NCAM2: variants seen among roughly 807,000 people sequenced by gnomAD.
The protein encoded by NCAM2 is N-CAM-2.
NCAM2 carries 30 observed loss-of-function variants against 98.1 expected under a neutral mutation model. The observed-to-expected ratio is 0.31, with a 90% CI of 0.23 to 0.41. NCAM2 has a LOEUF of 0.41. NCAM2 is among the 10% of genes least tolerant of loss of function. The pLI, the probability that NCAM2 is intolerant of heterozygous loss-of-function variation, is 1.00. For missense variants in NCAM2, 867 were observed against 1,005.8 expected (o/e 0.86, Z 1.87); for synonymous variants, 368 against 342.4 (o/e 1.07, Z -0.83).
intron 1 of NCAM2, among the ~76,000 whole-genome samples, chr21:21,109,369 T>C (rs142062286): frequency 1.9e-4 from 29 of 152,206 alleles, no homozygotes; most frequent in Middle Eastern, 6.8e-3. Context: ...TGAATTAGCT[T>C]TCACAGGATA....
At chr21:21,448,024 C>A (rs9983534) in intron 12 of NCAM2, among the ~76,000 whole-genome samples, 30,770 of 151,896 alleles carry the variant, frequency 0.2, 3,265 homozygotes, top group African/African-American at 0.26. Flanking sequence ...TATAACTGGA[C>A]CCAGCAATCC....
intron 1 of NCAM2, among the ~76,000 whole-genome samples, chr21:21,206,993 A>T (rs1383196489): frequency 6.6e-6 from 1 of 152,160 alleles, no homozygotes; most frequent in Non-Finnish European, 1.5e-5. Context: ...GGTATTTATC[A>T]GTATCTCAAC....
chr21:21,087,554 T>TG (rs2065928938), intron 1 of NCAM2, among the ~76,000 whole-genome samples: 1 of 152,176 alleles, frequency 6.6e-6, no homozygotes, highest in South Asian at 2.1e-4. Flanking sequence ...CTCTCCCTTG[T>TG]GGTTCTTCTG....
intron 14 of NCAM2, among the ~76,000 whole-genome samples, chr21:21,469,159 A>T (rs955280076): frequency 2.0e-5 from 3 of 152,032 alleles, no homozygotes; most frequent in African/African-American, 7.2e-5. Flanking sequence ...GAAAAATCAC[A>T]CCTCAAAACA....
At chr21:21,514,322 A>G (rs13048616) in intron 16 of NCAM2, among the ~76,000 whole-genome samples, 50,274 of 151,434 alleles carry the variant, frequency 0.33, 9,774 homozygotes, top group East Asian at 0.61. Context: ...CTAAAAATAC[A>G]AACATTAGCT....
intron 3 of NCAM2, among the ~76,000 whole-genome samples, 159 bp from the exon 4 acceptor site, chr21:21,286,110 G>C (rs77132718): frequency 6.6e-6 from 1 of 151,912 alleles, no homozygotes. Context: ...GAAGGTATTA[G>C]GGAGAAGTAG....
intron 9 of NCAM2, 57 bp downstream of exon 9, chr21:21,374,070 T>C (rs553277770): frequency 5.3e-5 from 82 of 1,542,054 alleles, no homozygotes; most frequent in Admixed American, 1.9e-4. Flanking sequence ...TTGAAACATA[T>C]GATTTTTCAA....
At chr21:21,395,030 T>C (rs746509377) in intron 9 of NCAM2, among the ~76,000 whole-genome samples, 5 of 152,162 alleles carry the variant, frequency 3.3e-5, no homozygotes, top group East Asian at 1.9e-4. Context: ...CTTTCCCTCA[T>C]TGAATGTATA....
At chr21:21,225,110 A>G (rs1258057880) in intron 1 of NCAM2, among the ~76,000 whole-genome samples, 1 of 152,110 alleles carries the variant, frequency 6.6e-6, no homozygotes, top group African/African-American at 2.4e-5. Flanking sequence ...CTTTGCAGGG[A>G]CATGGATGAA....
At chr21:21,261,316 G>T (rs1486827268) in intron 1 of NCAM2, among the ~76,000 whole-genome samples, 1 of 152,074 alleles carries the variant, frequency 6.6e-6, no homozygotes, top group Non-Finnish European at 1.5e-5. Flanking sequence ...AGAAAATCTG[G>T]ACGTAAATTG....
chr21:21,487,263 A>G (rs546789526), intron 15 of NCAM2, among the ~76,000 whole-genome samples: 2 of 152,252 alleles, frequency 1.3e-5, no homozygotes, highest in Admixed American at 1.3e-4. Flanking sequence ...TATTTTAAAA[A>G]TGAGTTTGTT....
chr21:21,058,669 A>ATTTTT (rs59289753), intron 1 of NCAM2, among the ~76,000 whole-genome samples: 2 of 144,852 alleles, frequency 1.4e-5, no homozygotes, highest in Admixed American at 6.9e-5. Flanking sequence ...TTCACACAGG[A>ATTTTT]TTTTTTTTTT....
intron 5 of NCAM2, among the ~76,000 whole-genome samples, chr21:21,314,506 A>G (rs1484830252): frequency 6.6e-6 from 1 of 152,046 alleles, no homozygotes; most frequent in Non-Finnish European, 1.5e-5. Flanking sequence ...CCTATTTGAG[A>G]AGTTTTCAGA....
chr21:21,159,840 G>A (rs1306548130), intron 1 of NCAM2, among the ~76,000 whole-genome samples: 1 of 151,536 alleles, frequency 6.6e-6, no homozygotes, highest in African/African-American at 2.4e-5. Context: ...TTTGATTTTT[G>A]TGGTTTAAAC....
intron 12 of NCAM2, among the ~76,000 whole-genome samples, chr21:21,464,941 C>G (rs1378248741): frequency 3.9e-5 from 6 of 152,070 alleles, no homozygotes; most frequent in Non-Finnish European, 8.8e-5. Context: ...CTGTGCCAAT[C>G]AATCTATTCC....
At chr21:21,500,649 A>C (rs564001790) in intron 15 of NCAM2, among the ~76,000 whole-genome samples, 6 of 152,244 alleles carry the variant, frequency 3.9e-5, no homozygotes, top group Admixed American at 3.3e-4. Flanking sequence ...ACCACCCACA[A>C]ATATATAAAG....
intron 1 of NCAM2, among the ~76,000 whole-genome samples, chr21:21,035,011 G>A (rs913887403): frequency 6.6e-6 from 1 of 152,160 alleles, no homozygotes; most frequent in Admixed American, 6.5e-5. Flanking sequence ...TGTAACAACT[G>A]TATGAATTGG....
intron 12 of NCAM2, among the ~76,000 whole-genome samples, chr21:21,448,042 G>T (rs1980450781): frequency 6.6e-6 from 1 of 152,144 alleles, no homozygotes; most frequent in South Asian, 2.1e-4. Context: ...TCCCATTACT[G>T]CATATATACC....
chr21:21,406,435 T>C (rs188199162), intron 9 of NCAM2, among the ~76,000 whole-genome samples: 1 of 152,300 alleles, frequency 6.6e-6, no homozygotes, highest in African/African-American at 2.4e-5. Context: ...GGAACTCTTA[T>C]AAATGGATTT....
Sources: gnomAD v4.1 joint callset for allele counts (sites outside exome capture counted in the v4.1 genomes callset) on GRCh38, gnomAD v4.1.1 for gene constraint, MANE v1.5 for transcripts, NCBI Gene and HGNC (gene_info 2026-07-23, HGNC 2026-07-21) for gene names.